KLHL23: variants seen among roughly 807,000 people sequenced by gnomAD.
KLHL23 encodes kelch-like protein 23.
Under a neutral mutation model 48.9 loss-of-function variants are expected in KLHL23, and 33 were observed. The observed-to-expected ratio is 0.67, with a 90% confidence interval of 0.51 to 0.90. KLHL23 has a LOEUF of 0.90. KLHL23 is among the 40% of genes least tolerant of loss of function. The pLI is 0.00. For synonymous variants in KLHL23, 234 were observed against 231.6 expected (o/e 1.01, Z -0.09); for missense variants, 608 against 669.6 (o/e 0.91, Z 1.02).
chr2:169,742,711 C>T (rs1201581739), intron 3 of KLHL23, among the ~76,000 whole-genome samples: 3 of 152,158 alleles, frequency 2.0e-5, no homozygotes, highest in Non-Finnish European at 4.4e-5. Flanking sequence ...AACTTTAGCC[C>T]CAGGCTTCCC....
intron 1 of KLHL23, among the ~76,000 whole-genome samples, chr2:169,734,544 C>T (rs1688467031): frequency 1.3e-5 from 2 of 152,314 alleles, no homozygotes; most frequent in Non-Finnish European, 2.9e-5. Flanking sequence ...TTTCCCTTTT[C>T]CGAGACCTCT....
intron 3 of KLHL23, among the ~76,000 whole-genome samples, chr2:169,745,069 C>A (rs112594425): frequency 6.6e-6 from 1 of 151,680 alleles, no homozygotes; most frequent in South Asian, 2.1e-4. Context: ...TGCACCACCA[C>A]GCCTGGCTAA....
At position 169,750,030 on chromosome 2, in the gene KLHL23, T is replaced by TGTGTATATATACGTATGTATGTATAC; in HGVS notation, c.*298_*299insGTGTATATATACGTATGTATGTATAC. On this transcript the variant is annotated 3_prime_UTR_variant, in exon 4 of 4. Transcript: ENST00000392647. ...GTATATATACGTATGTATGTATACA[T>TGTGTATATATACGTATGTATGTATAC]ATGTGTATATATAGTATGTATGTAT... The TGTGTATATATACGTATGTATGTATAC allele has an allele frequency of 2.6e-5, 1 of 37,874 alleles. No homozygotes were observed. Among genetic ancestry groups the TGTGTATATATACGTATGTATGTATAC allele is most frequent in the African/African-American group, 1.1e-4 (1 of 9,354 alleles). 2.3% of individuals were successfully genotyped at this position (37,874 alleles called of 1,614,324 possible). A position where few individuals can be genotyped will look rare whatever the true frequency, so the allele number is the denominator to read the frequency against.
chr2:169,735,711 G>A lies in KLHL23; in HGVS notation c.697G>A (p.Val233Met), dbSNP rs551521490. The A allele has an allele frequency of 1.5e-5, 25 of 1,613,978 alleles. 1 individual carries two copies. In the South Asian group the frequency reaches 2.5e-4, roughly 16 times the overall value. The change falls in exon 2 of 4, where the codon GTG becomes ATG. Residue 233 changes from valine to methionine, a missense_variant. This residue lies in a region of KLHL23 where 419 missense variants were observed against 473.1 expected (regional missense o/e 0.89). Transcript: ENST00000392647. This position sits in a 1 kb window ranked among gnomAD's most constrained non-coding sequence, Gnocchi z 4.5. ...CTATATCAACATTGATATAGATCCAGTGTACTTAAAAACAGCCTTAGGCCT... is the reference window on the plus strand; with the variant it reads ...CTATATCAACATTGATATAGATCCAATGTACTTAAAAACAGCCTTAGGCCT... Reference protein sequence around the residue: ...LSYINIDIDPVYLKTALGLQR... With the variant: ...LSYINIDIDPMYLKTALGLQR...
intron 3 of KLHL23, among the ~76,000 whole-genome samples, chr2:169,749,023 C>G (rs899145779): frequency 5.3e-5 from 8 of 152,196 alleles, no homozygotes; most frequent in African/African-American, 1.9e-4. Context: ...GAGACAGCTG[C>G]CAAGACCTGA....
chr2:169,750,461 C>G lies in KLHL23; in HGVS notation c.*729C>G, dbSNP rs1220595869. On this transcript the variant is annotated 3_prime_UTR_variant, in exon 4 of 4. Coordinates refer to ENST00000392647, the MANE Select transcript of KLHL23 (RefSeq NM_144711.6). ...GCCTAGAAGTTGGAGACTAACCTGG[C>G]GAGACCCTGTCTCAAAAAAAAAAAA... 1 of 105,318 alleles carries G rather than the reference C, an allele frequency of 9.5e-6. No homozygotes were observed. Among genetic ancestry groups the G allele is most frequent in the Admixed American group, 1.2e-4 (1 of 8,268 alleles). The allele number at this position is 105,318 out of a possible 1,614,324, so 6.5% of individuals were successfully genotyped here. A position where few individuals can be genotyped will look rare whatever the true frequency, so the allele number is the denominator to read the frequency against.
intron 2 of KLHL23, among the ~76,000 whole-genome samples, chr2:169,739,164 C>T (rs147112415): frequency 1.3e-5 from 2 of 149,482 alleles, no homozygotes; most frequent in African/African-American, 4.9e-5. Flanking sequence ...TTTGCCTCTG[C>T]GTCAGTCAGT....
Position 169,735,697 on chromosome 2 carries a change from T to C in KLHL23, c.683T>C (p.Ile228Thr). ...CLYNLLSYIN[I>T]DIDPVYLKTA... ...TATAATCTACTGAGCTATATCAACA[T>C]TGATATAGATCCAGTGTACTTAAAA... is the stretch of plus-strand genomic sequence containing the variant. Residue 228 changes from isoleucine (I) to threonine (T), a missense_variant, in exon 2 of 4, where the codon ATT (isoleucine) becomes ACT (threonine). By Grantham distance (89) the Ile-to-Thr change is moderately conservative (BLOSUM62 -1). Coordinates refer to ENST00000392647, the MANE Select transcript of KLHL23 (RefSeq NM_144711.6). The surrounding 1 kb of genome is among the most constrained non-coding windows in gnomAD (Gnocchi z 4.5). 1 of 1,613,996 alleles carries C rather than the reference T, an allele frequency of 6.2e-7. No homozygotes were observed. The highest frequency in any genetic ancestry group is 1.1e-5 in the South Asian group (1 of 91,078).
intron 2 of KLHL23, among the ~76,000 whole-genome samples, chr2:169,738,628 G>A (rs975547007): frequency 6.6e-6 from 1 of 151,852 alleles, no homozygotes; most frequent in African/African-American, 2.4e-5. Flanking sequence ...AGGAACTCCT[G>A]AATCTTTATT....
intron 2 of KLHL23, among the ~76,000 whole-genome samples, chr2:169,740,455 T>G (rs976582875): frequency 1.1e-4 from 17 of 148,334 alleles, no homozygotes; most frequent in African/African-American, 4.2e-4. Flanking sequence ...TCTATAAGCT[T>G]TTTTTTTTTT....
intron 2 of KLHL23, among the ~76,000 whole-genome samples, chr2:169,737,374 G>C (rs1465334560): frequency 3.3e-5 from 5 of 152,184 alleles, no homozygotes; most frequent in Non-Finnish European, 7.3e-5. Context: ...ACCAGGGTGG[G>C]AGAAGGTAGC....
At chr2:169,739,789 A>G (rs1688630209) in intron 2 of KLHL23, among the ~76,000 whole-genome samples, 1 of 152,140 alleles carries the variant, frequency 6.6e-6, no homozygotes, top group South Asian at 2.1e-4. Context: ...TGAACGTTAT[A>G]CTTAAACAAC....
Position 169,735,976 on chromosome 2 carries a change from A to G in KLHL23, c.962A>G (p.Asn321Ser), listed in dbSNP as rs1688504460. The G allele has an allele frequency of 2.5e-6, 4 of 1,614,196 alleles. No individual in the cohort carries two copies. Among genetic ancestry groups the G allele is most frequent in the African/African-American group, 1.3e-5 (1 of 75,056 alleles). The change falls in exon 2 of 4, where the codon AAC becomes AGC. Residue 321 changes from asparagine to serine, a missense_variant. By Grantham distance (46) the Asn-to-Ser change is conservative (BLOSUM62 1). Around this residue, in one of 3 missense-constraint regions of KLHL23, gnomAD observed 419 missense variants for 473.1 expected, o/e 0.89. Coordinates refer to ENST00000392647, the MANE Select transcript of KLHL23 (RefSeq NM_144711.6). This position sits in a 1 kb window ranked among gnomAD's most constrained non-coding sequence, Gnocchi z 4.5. The part of the protein sequence containing the change: ...ESYGVTCLGP[N>S]IYVTGGYRTD... ...TATGGTGTTACATGTTTAGGACCCA[A>G]CATTTATGTAACTGGGGGCTACAGG... is the stretch of plus-strand genomic sequence containing the variant.
chr2:169,736,004 G>C lies in KLHL23; in HGVS notation c.990G>C (p.Thr330=), dbSNP rs754605240. 6.2e-7 allele frequency: 1 copy of C among 1,614,008 alleles called. No homozygotes were observed. Among genetic ancestry groups the C allele is most frequent in the Non-Finnish European group, 8.5e-7 (1 of 1,180,040 alleles). ...PNIYVTGGYR[T]DNIEALDTVW... ...TTTATGTAACTGGGGGCTACAGGAC[G>C]GATAACATAGAAGCTCTTGACACAG... The change falls in exon 2 of 4, where the codon ACG becomes ACC. Residue 330 remains threonine, a synonymous_variant. Transcript: ENST00000392647.
At position 169,735,809 on chromosome 2, in the gene KLHL23, A is replaced by C. The variant is rs746700222; in HGVS notation, c.795A>C (p.Lys265Asn). The change falls in exon 2 of 4, where the codon AAA becomes AAC. Residue 265 changes from lysine to asparagine, a missense_variant. Lys to Asn is a moderately conservative substitution (Grantham distance 94, BLOSUM62 0). Around this residue, in one of 3 missense-constraint regions of KLHL23, gnomAD observed 419 missense variants for 473.1 expected, o/e 0.89. Coordinates refer to ENST00000392647, the MANE Select transcript of KLHL23 (RefSeq NM_144711.6). The surrounding 1 kb of genome is among the most constrained non-coding windows in gnomAD (Gnocchi z 4.5). Reference protein sequence around the residue: ...LIYNALNPMHKEISQRSTATM... With the variant: ...LIYNALNPMHNEISQRSTATM... ...ACAATGCCTTGAATCCCATGCATAA[A>C]GAGATTTCCCAGAGGTCCACAGCCA... The C allele has an allele frequency of 6.8e-6, 11 of 1,614,148 alleles. No individual in the cohort carries two copies. The East Asian group carries it at 2.5e-4, about 36-fold the overall frequency.
At chr2:169,747,010 T>C (rs1232095798) in intron 3 of KLHL23, among the ~76,000 whole-genome samples, 2 of 152,168 alleles carry the variant, frequency 1.3e-5, no homozygotes, top group Non-Finnish European at 2.9e-5. Flanking sequence ...AGGATAATTA[T>C]TTTCTTGGAT....
chr2:169,734,350 C>T (rs531116558), intron 1 of KLHL23, among the ~76,000 whole-genome samples: 18 of 148,390 alleles, frequency 1.2e-4, no homozygotes, highest in Admixed American at 1.0e-3. Flanking sequence ...GCACGCGGCG[C>T]CCTCGAGTCC....
intron 2 of KLHL23, among the ~76,000 whole-genome samples, chr2:169,739,014 C>T (rs1688607732): frequency 1.2e-5 from 1 of 82,244 alleles, no homozygotes; most frequent in East Asian, 4.8e-4. Flanking sequence ...CCTCCCCCAT[C>T]TCCTCTCCCT....
At chr2:169,736,784 C>G (rs943299860) in intron 2 of KLHL23, among the ~76,000 whole-genome samples, 1 of 152,204 alleles carries the variant, frequency 6.6e-6, no homozygotes, top group Non-Finnish European at 1.5e-5. Flanking sequence ...CCTTGCTCTC[C>G]TTCTCTCCCA....
Sources: gnomAD v4.1 joint callset for allele counts (sites outside exome capture counted in the v4.1 genomes callset) on GRCh38, gnomAD v4.1.1 for gene constraint, gnomAD v4.1.1 regional missense constraint, Gnocchi (gnomAD v3.1) non-coding constraint, MANE v1.5 for transcripts, NCBI Gene and HGNC (gene_info 2026-07-23, HGNC 2026-07-21) for gene names.